Variants in ARAP2 observed in about 807,000 individuals in gnomAD.
The protein encoded by ARAP2 is arf-GAP with Rho-GAP domain, ANK repeat and PH domain-containing protein 2.
A neutral mutation model predicts 194.5 loss-of-function variants in ARAP2; 148 were observed. That is an observed-to-expected ratio of 0.76 (90% CI 0.67 to 0.87). The LOEUF (loss-of-function observed/expected upper bound fraction) is 0.87, where lower values mean the gene tolerates loss of function less well. Ranked by LOEUF, ARAP2 falls within the 40% of genes least tolerant of loss-of-function variation. The probability of loss-of-function intolerance (pLI) is 0.00; values close to 1 mark genes in which losing one functional copy is unlikely to be tolerated. For synonymous variants in ARAP2, 695 were observed against 683.5 expected, an observed-to-expected ratio of 1.02 and a Z score of -0.26; for missense variants, 2,128 against 1,989.7, an observed-to-expected ratio of 1.07 and a Z score of -1.32.
At chr4:36,063,049 ACT>A (rs1724716336), downstream of ARAP2, among the ~76,000 whole-genome samples, 3 of 152,130 alleles carry the variant, frequency 2.0e-5, no homozygotes, top group African/African-American at 7.2e-5. Flanking sequence ...AACTAACATA[ACT>A]AACTCCATTT....
At chr4:36,152,050 T>A (rs946409529) in intron 15 of ARAP2, among the ~76,000 whole-genome samples, 1 of 152,026 alleles carries the variant, frequency 6.6e-6, no homozygotes, top group African/African-American at 2.4e-5. Context: ...GGGGGTGACA[T>A]GAAAGAAAAT....
At chr4:36,021,172 C>T (rs985099284) in intron 5 of ARAP2, among the ~76,000 whole-genome samples, 1 of 152,092 alleles carries the variant, frequency 6.6e-6, no homozygotes, top group African/African-American at 2.4e-5. Flanking sequence ...ATTTCATCAT[C>T]CAGGTGCATA....
intron 5 of ARAP2, among the ~76,000 whole-genome samples, chr4:36,026,147 A>T (rs1052182948): frequency 5.3e-5 from 8 of 152,198 alleles, no homozygotes; most frequent in African/African-American, 1.9e-4. Flanking sequence ...ACATAAATCA[A>T]ATTGAAATCC....
rs116523699 is a variant in ARAP2 at position 36,039,672 on chromosome 4, C to A, written n.607+6307G>T. 7.9e-3 allele frequency among the ~76,000 whole-genome samples: 1,205 copies of A among 152,284 alleles called. 14 individuals carry two copies. The highest frequency in any genetic ancestry group is 0.027 in the African/African-American group (1,135 of 41,548). ...TTTGAGCCCTTCCCATTAAAACGAT[C>A]TCCTGTGCAAGTCCATGTCTAGGGT... is the stretch of plus-strand genomic sequence containing the variant. On this transcript the variant is annotated intron_variant and non_coding_transcript_variant, in intron 5 of 12. Transcript: ENST00000503225.
rs369774259 is a variant in ARAP2, at chr4:36,151,093, C to T, written c.2753-49G>A. The T allele has an allele frequency of 1.2e-5, 18 of 1,513,192 alleles. No homozygotes were observed. The African/African-American group carries it at 2.6e-4, about 21-fold the overall frequency. 93.7% of individuals were successfully genotyped at this position (1,513,192 alleles called of 1,614,324 possible). On this transcript the variant is annotated intron_variant, in intron 15 of 32. Transcript: ENST00000303965. Reference sequence around the variant, plus strand: ...TAACAAATTGAGCTAATCACGAATCCAATTTTAAAAACAAAAACATACTTC... The same window carrying T: ...TAACAAATTGAGCTAATCACGAATCTAATTTTAAAAACAAAAACATACTTC...
In ARAP2 at chr4:36,091,886, C is replaced by T. The variant is rs866983386; in HGVS notation, c.4420G>A (p.Val1474Met). The T allele has an allele frequency of 1.5e-5, 24 of 1,600,672 alleles. 2 individuals are homozygous for T. The Middle Eastern group carries it at 3.6e-3, about 237-fold the overall frequency. Residue 1474 changes from valine to methionine, a missense_variant, in exon 28 of 33, where the codon GTG becomes ATG. By Grantham distance (21) the Val-to-Met change is conservative. Transcript: ENST00000303965. ...RDGFLFLYKDVKSSKHDKMFS... is the reference protein window; with the variant it reads ...RDGFLFLYKDMKSSKHDKMFS... ...CGCATGTTCAAATACTATACCTTCA[C>T]ATCCTTGTAAAGAAAGAGAAACCCA...
chr4:36,184,764 A>G (rs1740129910), intron 8 of ARAP2, among the ~76,000 whole-genome samples: 1 of 152,224 alleles, frequency 6.6e-6, no homozygotes, highest in Non-Finnish European at 1.5e-5. Context: ...AAAGGTGATA[A>G]GCACCTCAAA....
At chr4:36,042,393 A>T (rs1057300039) in intron 5 of ARAP2, among the ~76,000 whole-genome samples, 4 of 152,218 alleles carry the variant, frequency 2.6e-5, no homozygotes, top group Admixed American at 2.6e-4. Context: ...GGGCGGAAAG[A>T]TCATTAAAAT....
intron 2 of ARAP2, among the ~76,000 whole-genome samples, chr4:36,228,359 C>T (rs535274897): frequency 6.6e-6 from 1 of 152,178 alleles, no homozygotes; most frequent in African/African-American, 2.4e-5. Context: ...TGTCCCCCCG[C>T]TTAAATAGGG....
At chr4:36,208,221 G>A (rs2109259063) in intron 6 of ARAP2, among the ~76,000 whole-genome samples, 1 of 152,222 alleles carries the variant, frequency 6.6e-6, no homozygotes, top group East Asian at 1.9e-4. Context: ...TTTGAGAGAG[G>A]TTCAAGCCAT....
At chr4:36,086,227 T>C (rs898718334) in intron 28 of ARAP2, among the ~76,000 whole-genome samples, 8 of 152,094 alleles carry the variant, frequency 5.3e-5, no homozygotes, top group Non-Finnish European at 7.4e-5. Flanking sequence ...GACTTGCATA[T>C]TGGAGAATGA....
rs1750885142 is a variant in ARAP2, at chr4:36,228,862, GCTTA to G, written c.621_624del (p.Lys208SerfsTer29). On this transcript the variant is annotated frameshift_variant, in exon 2 of 33. Transcript: ENST00000303965. LOFTEE classifies it high-confidence loss of function. ...AGGCATTCAGAGTCTGCATTAGGGAGCTTACTGAGATTTTCTGTGATCAATTTAA... is the reference window on the plus strand; with the variant it reads ...AGGCATTCAGAGTCTGCATTAGGGAGCTGAGATTTTCTGTGATCAATTTAA... 1 of 1,613,950 alleles carries G rather than the reference GCTTA, an allele frequency of 6.2e-7. No individual in the cohort carries two copies. The highest frequency in any genetic ancestry group is 1.1e-5 in the South Asian group (1 of 91,076).
chr4:36,009,199 A>G (rs1713919084), intron 9 of ARAP2, among the ~76,000 whole-genome samples: 1 of 152,162 alleles, frequency 6.6e-6, no homozygotes. Context: ...TACTGAGTAT[A>G]TACTCAAAGG....
chr4:36,238,952 A>C (rs1752970704), intron 1 of ARAP2, among the ~76,000 whole-genome samples: 1 of 152,146 alleles, frequency 6.6e-6, no homozygotes, highest in African/African-American at 2.4e-5. Context: ...CAAAAACAAA[A>C]ACAAAAACAA....
At chr4:36,208,450 C>A (rs1746039543) in intron 6 of ARAP2, among the ~76,000 whole-genome samples, 1 of 152,176 alleles carries the variant, frequency 6.6e-6, no homozygotes, top group African/African-American at 2.4e-5. Flanking sequence ...TACTACTTGA[C>A]CCTTTACAGA....
chr4:36,145,653 A>C (rs1175376470), intron 19 of ARAP2, among the ~76,000 whole-genome samples: 2 of 152,012 alleles, frequency 1.3e-5, no homozygotes, highest in Non-Finnish European at 2.9e-5. Context: ...ACAAACCTGC[A>C]CATATGTAGA....
At chr4:36,134,330 G>A (rs974115805) in intron 19 of ARAP2, among the ~76,000 whole-genome samples, 3 of 151,526 alleles carry the variant, frequency 2.0e-5, no homozygotes, top group African/African-American at 4.8e-5. Context: ...CGTACCCCAC[G>A]AGAAATTTAG....
intron 9 of ARAP2, among the ~76,000 whole-genome samples, chr4:36,012,294 T>C (rs576204224): frequency 6.6e-6 from 1 of 152,332 alleles, no homozygotes; most frequent in South Asian, 2.1e-4. Flanking sequence ...CTTAGGTCAA[T>C]AAATTACACT....
chr4:36,182,800 G>C (rs1739590322), intron 8 of ARAP2, among the ~76,000 whole-genome samples: 1 of 152,146 alleles, frequency 6.6e-6, no homozygotes, highest in Non-Finnish European at 1.5e-5. Context: ...GCTTCTATTT[G>C]CTGAGATGAG....
Sources: gnomAD v4.1 joint callset for allele counts (sites outside exome capture counted in the v4.1 genomes callset) on GRCh38, gnomAD v4.1.1 for gene constraint, MANE v1.5 for transcripts, NCBI Gene and HGNC (gene_info 2026-07-23, HGNC 2026-07-21) for gene names.